CACNA2D3: variants seen among roughly 807,000 people sequenced by gnomAD.
CACNA2D3 encodes the protein calcium voltage-gated channel auxiliary subunit alpha2delta 3, also known as voltage-dependent calcium channel subunit alpha-2/delta-3.
CACNA2D3 carries 60 observed loss-of-function variants against 160.6 expected under a neutral mutation model. The observed-to-expected ratio is 0.37, with a 90% CI of 0.30 to 0.46. CACNA2D3 has a LOEUF of 0.46. Ranked by LOEUF, CACNA2D3 falls within the 20% of genes least tolerant of loss-of-function variation. The pLI, the probability that CACNA2D3 is intolerant of heterozygous loss-of-function variation, is 1.00. For synonymous variants in CACNA2D3, 558 were observed against 492.9 expected, an observed-to-expected ratio of 1.13 and a Z score of -1.75; for missense variants, 1,205 against 1,365.0, an observed-to-expected ratio of 0.88 and a Z score of 1.85.
At chr3:54,322,227 A>G (rs1038705589) in intron 3 of CACNA2D3, among the ~76,000 whole-genome samples, 1 of 152,210 alleles carries the variant, frequency 6.6e-6, no homozygotes, top group African/African-American at 2.4e-5. Context: ...ATGGGCTCTG[A>G]AAGTAGTGGA....
intron 3 of CACNA2D3, among the ~76,000 whole-genome samples, chr3:54,321,455 A>C (rs1025979772): frequency 6.6e-6 from 1 of 152,124 alleles, no homozygotes; most frequent in Non-Finnish European, 1.5e-5. Context: ...CTCACTTGCA[A>C]GTTTTGACAT....
chr3:54,400,446 G>T (rs1699435139), intron 4 of CACNA2D3, among the ~76,000 whole-genome samples: 1 of 152,198 alleles, frequency 6.6e-6, no homozygotes, highest in Non-Finnish European at 1.5e-5. Flanking sequence ...TGTTGCAGCT[G>T]CTTGAGGGCT....
chr3:54,799,808 C>A (rs1161817134), intron 13 of CACNA2D3, among the ~76,000 whole-genome samples: 1 of 152,144 alleles, frequency 6.6e-6, no homozygotes, highest in Admixed American at 6.5e-5. Context: ...ACAGCAAGTC[C>A]CATGTCTGTC....
At chr3:54,400,075 G>A (rs373423616) in intron 4 of CACNA2D3, among the ~76,000 whole-genome samples, 13 of 138,416 alleles carry the variant, frequency 9.4e-5, no homozygotes, top group South Asian at 2.5e-4. Flanking sequence ...AGGTGCGTCC[G>A]TCACCCCTTT....
At chr3:54,861,751 G>T (rs555562211) in intron 17 of CACNA2D3, among the ~76,000 whole-genome samples, 1 of 152,352 alleles carries the variant, frequency 6.6e-6, no homozygotes, top group African/African-American at 2.4e-5. Flanking sequence ...AATGGACATG[G>T]TAGGTTGATG....
At chr3:54,870,617 T>C (rs926956376) in intron 17 of CACNA2D3, among the ~76,000 whole-genome samples, 7 of 152,114 alleles carry the variant, frequency 4.6e-5, no homozygotes, top group Non-Finnish European at 1.0e-4. Flanking sequence ...GTCGATAAAA[T>C]GGTAGGCTTG....
rs1370556650 is a variant in CACNA2D3, at chr3:55,006,729, T to C, written c.2767-1061T>C. On this transcript the variant is annotated intron_variant, in intron 32 of 37. Transcript: ENST00000474759. ...TGTTGTTGTTGTTGTTCTGCTCATT[T>C]ACTTTCTGGCCGGACTGGGAAAGTT... 8.5e-5 allele frequency among the ~76,000 whole-genome samples: 13 copies of C among 152,228 alleles called. 1 individual carries two copies. The highest frequency in any genetic ancestry group is 8.5e-4 in the Admixed American group (13 of 15,288).
intron 11 of CACNA2D3, among the ~76,000 whole-genome samples, chr3:54,699,093 A>G (rs565005498): frequency 1.2e-4 from 19 of 152,350 alleles, no homozygotes; most frequent in African/African-American, 4.6e-4. Context: ...GAACCTGCTC[A>G]GAAGTCTTAA....
chr3:54,660,011 C>T (rs1357852706), intron 11 of CACNA2D3, among the ~76,000 whole-genome samples: 2 of 152,138 alleles, frequency 1.3e-5, no homozygotes, highest in African/African-American at 2.4e-5. Flanking sequence ...ATGACTTACC[C>T]TTTGAAGTCA....
At chr3:55,037,196 A>G (rs1051603266) in intron 35 of CACNA2D3, among the ~76,000 whole-genome samples, 16 of 152,250 alleles carry the variant, frequency 1.1e-4, no homozygotes, top group African/African-American at 3.6e-4. Context: ...GTAAAGTTAT[A>G]CCAAAAGTTT....
intron 35 of CACNA2D3, among the ~76,000 whole-genome samples, chr3:55,054,091 A>T (rs1226906141): frequency 1.3e-5 from 2 of 151,598 alleles, no homozygotes; most frequent in Non-Finnish European, 3.0e-5. Context: ...GGTTTACAGT[A>T]TACATCTTTA....
At chr3:54,514,915 T>G (rs1363235827) in intron 5 of CACNA2D3, among the ~76,000 whole-genome samples, 1 of 152,208 alleles carries the variant, frequency 6.6e-6, no homozygotes, top group African/African-American at 2.4e-5. Context: ...CATTGCACTA[T>G]CTACCTGAGA....
chr3:54,714,088 G>A (rs1701005894), intron 11 of CACNA2D3, among the ~76,000 whole-genome samples: 1 of 152,094 alleles, frequency 6.6e-6, no homozygotes, highest in African/African-American at 2.4e-5. Flanking sequence ...TATGTTGCAG[G>A]TCCTGGACTC....
intron 35 of CACNA2D3, among the ~76,000 whole-genome samples, chr3:55,029,573 G>GTT (rs3836387): frequency 6.6e-6 from 1 of 151,724 alleles, no homozygotes; most frequent in Admixed American, 6.6e-5. Flanking sequence ...AGATGGTGAG[G>GTT]TTTTTTTTGC....
At chr3:54,896,946 A>G in intron 26 of CACNA2D3, 76 bp downstream of exon 26, 1 of 1,587,472 alleles carries the variant, frequency 6.3e-7, no homozygotes, top group Admixed American at 1.7e-5. Context: ...GGTGTTGGGG[A>G]GCTGCCTGAA....
rs369132066 is a variant in CACNA2D3 at position 54,997,010 on chromosome 3, C to T, written c.2691-7753C>T. Among the ~76,000 whole-genome samples, 10 of 151,772 alleles carry T rather than the reference C, an allele frequency of 6.6e-5. No homozygotes were observed. The East Asian group carries it at 7.8e-4, about 12-fold the overall frequency. ...ACACAGGGAGGGGAACATCACACAC[C>T]GGGGCCTGTCAGGGGGTGGAGGACT... On this transcript the variant is annotated intron_variant, in intron 31 of 37. Coordinates refer to ENST00000474759, the MANE Select transcript of CACNA2D3 (RefSeq NM_018398.3).
intron 4 of CACNA2D3, among the ~76,000 whole-genome samples, chr3:54,500,516 C>T (rs577877853): frequency 9.8e-6 from 1 of 102,430 alleles, no homozygotes; most frequent in East Asian, 3.6e-4. Context: ...TTCCTTCCTT[C>T]CTTCCTTCCT....
intron 11 of CACNA2D3, among the ~76,000 whole-genome samples, chr3:54,713,740 T>C (rs944606458): frequency 6.6e-6 from 1 of 152,170 alleles, no homozygotes; most frequent in African/African-American, 2.4e-5. Context: ...AAGGGTCTCA[T>C]TGCAAATAAT....
At chr3:55,003,435 G>T (rs1167651492) in intron 31 of CACNA2D3, among the ~76,000 whole-genome samples, 1 of 152,076 alleles carries the variant, frequency 6.6e-6, no homozygotes, top group Non-Finnish European at 1.5e-5. Flanking sequence ...TCCCCTGAAG[G>T]TTTGCTGAAA....
Sources: allele counts gnomAD v4.1 joint callset (sites outside exome capture counted in the v4.1 genomes callset), GRCh38; gene constraint gnomAD v4.1.1; transcripts MANE v1.5; gene names NCBI Gene and HGNC (gene_info 2026-07-23, HGNC 2026-07-21).